TPM4: variants seen among roughly 807,000 people sequenced by gnomAD.
TPM4 encodes the protein tropomyosin 4, also known as tropomyosin alpha-4 chain.
In TPM4, 17 loss-of-function variants were observed where a neutral mutation model predicts 35.8. The ratio of observed to expected loss-of-function variants is 0.47; its 90% CI spans 0.32 to 0.71. The LOEUF (loss-of-function observed/expected upper bound fraction) is 0.71. Ranked by LOEUF, TPM4 falls within the 30% of genes least tolerant of loss-of-function variation. The pLI, the probability that TPM4 is intolerant of heterozygous loss-of-function variation, is 0.03. For synonymous variants in TPM4, 120 were observed against 122.9 expected (o/e 0.98, Z 0.15); for missense variants, 240 against 320.9 (o/e 0.75, Z 1.93).
chr19:16,099,078 G>A (rs146650455), intron 7 of TPM4, among the ~76,000 whole-genome samples: 1 of 150,308 alleles, frequency 6.7e-6, no homozygotes, highest in African/African-American at 2.4e-5. Flanking sequence ...CTCTGTGTGT[G>A]TGTGTGTGTG....
intron 2 of TPM4, among the ~76,000 whole-genome samples, chr19:16,084,536 A>G (rs953812282): frequency 2.0e-5 from 3 of 152,210 alleles, no homozygotes; most frequent in Non-Finnish European, 4.4e-5. Flanking sequence ...TGGCAAACCA[A>G]GGGAGGCTGC....
intron 5 of TPM4, among the ~76,000 whole-genome samples, chr19:16,090,487 C>T (rs566067659): frequency 2.6e-5 from 4 of 152,020 alleles, no homozygotes; most frequent in African/African-American, 9.7e-5. Flanking sequence ...CTCCTGGCCT[C>T]AAGTGATCCT....
upstream of TPM4, chr19:16,076,301 C>T: frequency 6.6e-7 from 1 of 1,511,770 alleles, no homozygotes; most frequent in Non-Finnish European, 8.8e-7. Flanking sequence ...GCGCTTTCTC[C>T]AAATAAGTCC....
chr19:16,072,036 G>T (rs2090360978), upstream of TPM4, among the ~76,000 whole-genome samples: 1 of 152,204 alleles, frequency 6.6e-6, no homozygotes, highest in Non-Finnish European at 1.5e-5. Flanking sequence ...TGGTCTGGCT[G>T]GTCTCAAACT....
chr19:16,091,311 C>A (rs1341168217), intron 5 of TPM4, among the ~76,000 whole-genome samples: 1 of 152,152 alleles, frequency 6.6e-6, no homozygotes, highest in Non-Finnish European at 1.5e-5. Context: ...CTCGGCCTCC[C>A]AAAGGGCTGG....
At chr19:16,100,775 C>T (rs73019238) in intron 7 of TPM4, 1,647 of 153,722 alleles carry the variant, frequency 0.011, 14 homozygotes, top group Admixed American at 0.019. Context: ...TTCGTGATTA[C>T]GCCACTGCAC....
At chr19:16,090,895 G>C (rs1053929144) in intron 5 of TPM4, among the ~76,000 whole-genome samples, 3 of 148,836 alleles carry the variant, frequency 2.0e-5, no homozygotes, top group Non-Finnish European at 3.0e-5. Context: ...TCAAACTCCT[G>C]GCCTCGAGTG....
chr19:16,070,505 G>A lies in TPM4; in HGVS notation c.114+2767G>A, dbSNP rs1217467229. Among the ~76,000 whole-genome samples the A allele has an allele frequency of 6.6e-6, 1 of 152,148 alleles. No homozygotes were observed. Among genetic ancestry groups the A allele is most frequent in the Admixed American group, 6.5e-5 (1 of 15,280 alleles). On this transcript the variant is annotated intron_variant, in intron 2 of 2. Coordinates refer to the TPM4 transcript ENST00000589897. The surrounding 1 kb of genome is among the most constrained non-coding windows in gnomAD (Gnocchi z 7.4). Reference sequence around the variant, plus strand: ...CCAGGCCAGGAGCCAGGCCAGCCCGGCAGCTAAAGGCGAAAGCTCGGAGCT... The same window carrying A: ...CCAGGCCAGGAGCCAGGCCAGCCCGACAGCTAAAGGCGAAAGCTCGGAGCT...
chr19:16,094,492 C>T (rs968936458), intron 7 of TPM4, among the ~76,000 whole-genome samples: 1 of 151,436 alleles, frequency 6.6e-6, no homozygotes, highest in Non-Finnish European at 1.5e-5. Flanking sequence ...GCCAAGATCA[C>T]GCCACAGCTC....
chr19:16,068,041 G>T, intron 2 of TPM4: 1 of 449,130 alleles, frequency 2.2e-6, no homozygotes, highest in South Asian at 2.6e-5. Context: ...GCGCTGGGAG[G>T]TTGTGTACTA....
At chr19:16,076,722 G>A (rs1374501252) in intron 1 of TPM4, 25 bp downstream of exon 1, 1 of 1,305,828 alleles carries the variant, frequency 7.7e-7, no homozygotes, top group Non-Finnish European at 9.7e-7. Flanking sequence ...CTCGGGCCCC[G>A]CACCCGCAGC....
At position 16,102,763 on chromosome 19, in the gene TPM4, T is replaced by C. The variant is rs190585886; in HGVS notation, c.*1417T>C. The C allele has an allele frequency of 1.0e-4, 23 of 230,812 alleles. No homozygotes were observed. Among genetic ancestry groups the C allele is most frequent in the Non-Finnish European group, 1.5e-4 (18 of 116,516 alleles). 14.3% of individuals were successfully genotyped at this position (230,812 alleles called of 1,614,324 possible). ...ACATTCCACATTCCCCAGCAGCGTG[T>C]GGGGGCTGACTAAAGTTTACAATTC... On this transcript the variant is annotated 3_prime_UTR_variant, in exon 8 of 8. Coordinates refer to ENST00000643579, the MANE Select transcript of TPM4 (RefSeq NM_003290.3).
chr19:16,100,963 A>G, intron 7 of TPM4: 1 of 218,542 alleles, frequency 4.6e-6, no homozygotes, highest in Non-Finnish European at 9.3e-6. Flanking sequence ...TGAGGTCAAG[A>G]GCTCGAGACC....
intron 7 of TPM4, chr19:16,099,806 T>C (rs1568313591): frequency 6.6e-6 from 1 of 152,214 alleles, no homozygotes; most frequent in Non-Finnish European, 1.5e-5. Context: ...TCTCTCTCTT[T>C]CTTTTTTAAT....
intron 2 of TPM4, among the ~76,000 whole-genome samples, chr19:16,083,261 T>C (rs2090507310): frequency 6.6e-6 from 1 of 152,150 alleles, no homozygotes; most frequent in Non-Finnish European, 1.5e-5. Flanking sequence ...CTGGCCAACA[T>C]GGTGAAACCC....
chr19:16,069,748 GT>G (rs201369520), intron 2 of TPM4, among the ~76,000 whole-genome samples: 4,749 of 149,096 alleles, frequency 0.032, 152 homozygotes, highest in African/African-American at 0.074. Context: ...CTATTGGGGG[GT>G]GTGTGCATGT....
chr19:16,071,887 C>T (rs1300660350), upstream of TPM4, among the ~76,000 whole-genome samples: 1 of 152,206 alleles, frequency 6.6e-6, no homozygotes, highest in Non-Finnish European at 1.5e-5. Flanking sequence ...TCAGCCCTGC[C>T]CCAAGGCCCC....
In TPM4 at chr19:16,093,760, G is replaced by C. The variant is rs182328892; in HGVS notation, c.664+7G>C. 1.2e-6 allele frequency: 2 copies of C among 1,612,930 alleles called. No homozygotes were observed. The highest frequency in any genetic ancestry group is 1.7e-6 in the Non-Finnish European group (2 of 1,180,010). On this transcript the variant is annotated splice_region_variant and intron_variant, in intron 7 of 7. Transcript: ENST00000643579. ...ACAATTGATGACCTGGAAGGTATGAGGTTACCATCTAAATGTTTGCCTTGC... is the reference window on the plus strand; with the variant it reads ...ACAATTGATGACCTGGAAGGTATGACGTTACCATCTAAATGTTTGCCTTGC...
chr19:16,097,197 G>A (rs529827650), intron 7 of TPM4, among the ~76,000 whole-genome samples: 43 of 151,620 alleles, frequency 2.8e-4, no homozygotes, highest in African/African-American at 9.2e-4. Flanking sequence ...CAACTGATCC[G>A]CCCACCTCAG....
Sources: allele counts gnomAD v4.1 joint callset (sites outside exome capture counted in the v4.1 genomes callset), GRCh38; gene constraint gnomAD v4.1.1; non-coding constraint Gnocchi (gnomAD v3.1); transcripts MANE v1.5; gene names NCBI Gene and HGNC (gene_info 2026-07-23, HGNC 2026-07-21).